HIBADH: variants seen among roughly 807,000 people sequenced by gnomAD.
HIBADH encodes the protein 3-hydroxyisobutyrate dehydrogenase, mitochondrial.
In HIBADH, 25 loss-of-function variants were observed where a neutral mutation model predicts 36.1. The observed-to-expected ratio is 0.69, with a 90% CI of 0.50 to 0.97. HIBADH has a LOEUF of 0.97. Ranked by LOEUF, HIBADH falls within the 50% of genes least tolerant of loss-of-function variation. HIBADH has a pLI of 0.00. For synonymous variants in HIBADH, 160 were observed against 149.5 expected (o/e 1.07, Z -0.51); for missense variants, 421 against 418.0 (o/e 1.01, Z -0.06).
chr7:27,527,918 G>GTT (rs746260280), intron 7 of HIBADH, among the ~76,000 whole-genome samples: 27 of 61,684 alleles, frequency 4.4e-4, no homozygotes, highest in Non-Finnish European at 5.4e-4. Flanking sequence ...CACACCCAGC[G>GTT]TTTTTTTTTT....
chr7:27,660,155 A>G (rs1428499043), intron 1 of HIBADH, among the ~76,000 whole-genome samples: 1 of 152,258 alleles, frequency 6.6e-6, no homozygotes, highest in Non-Finnish European at 1.5e-5. Flanking sequence ...TTATAATATT[A>G]TCATTCATAT....
In HIBADH at chr7:27,651,679, G is replaced by A. The variant is rs571500676; in HGVS notation, c.92-2046C>T. On this transcript the variant is annotated intron_variant, in intron 1 of 7. Coordinates refer to ENST00000265395, the MANE Select transcript of HIBADH (RefSeq NM_152740.4). Reference sequence around the variant, plus strand: ...TCAAACAATTCATAAGTATGGTCACGTAGAACCACAATTCATTCACAAATT... The same window carrying A: ...TCAAACAATTCATAAGTATGGTCACATAGAACCACAATTCATTCACAAATT... Among the ~76,000 whole-genome samples, 6 of 152,266 alleles carry A rather than the reference G, an allele frequency of 3.9e-5. No individual in the cohort carries two copies. In the East Asian group the frequency reaches 7.7e-4, roughly 20 times the overall value.
intron 4 of HIBADH, among the ~76,000 whole-genome samples, chr7:27,584,287 C>T (rs1482434149): frequency 6.6e-6 from 1 of 152,148 alleles, no homozygotes; most frequent in East Asian, 1.9e-4. Flanking sequence ...TAACATCATA[C>T]AACGGTCAAT....
At chr7:27,636,447 A>G (rs867680820) in intron 2 of HIBADH, among the ~76,000 whole-genome samples, 1 of 152,270 alleles carries the variant, frequency 6.6e-6, no homozygotes, top group African/African-American at 2.4e-5. Context: ...CTTTGTGCCT[A>G]CATCTTGAAA....
At chr7:27,526,423 T>A in intron 7 of HIBADH, 51 bp from the exon 8 acceptor site, 1 of 1,492,268 alleles carries the variant, frequency 6.7e-7, no homozygotes, top group Non-Finnish European at 9.0e-7. Context: ...TAAAGGCTCT[T>A]TGGAACTGTG....
chr7:27,531,206 T>C lies in HIBADH; in HGVS notation c.838A>G (p.Thr280Ala), dbSNP rs1233713537. The change falls in exon 7 of 8, where the codon ACA becomes GCA. Residue 280 changes from threonine to alanine, a missense_variant. Physicochemically the swap from Thr to Ala is moderately conservative, Grantham distance 58 (BLOSUM62 0). Coordinates refer to ENST00000265395, the MANE Select transcript of HIBADH (RefSeq NM_152740.4). ...ANNYQGGFGT[T>A]LMAKDLGLAQ... is the part of the protein sequence containing the mutation. ...ATTTACCATACCTTAGCCATGAGTG[T>C]TGTTCCAAATCCACCCTGATAGTTA... is the stretch of plus-strand genomic sequence containing the variant. 8 of 1,613,744 alleles carry C rather than the reference T, an allele frequency of 5.0e-6. No homozygotes were observed. The highest frequency in any genetic ancestry group is 2.2e-5 in the South Asian group (2 of 90,978).
At chr7:27,592,662 G>C (rs1339172784) in intron 4 of HIBADH, among the ~76,000 whole-genome samples, 1 of 151,880 alleles carries the variant, frequency 6.6e-6, no homozygotes, top group Admixed American at 6.6e-5. Context: ...TATATCTCTA[G>C]CTCAAGCTAC....
chr7:27,654,490 G>A (rs904182760), intron 1 of HIBADH, among the ~76,000 whole-genome samples: 1 of 151,936 alleles, frequency 6.6e-6, no homozygotes, highest in Non-Finnish European at 1.5e-5. Context: ...ATGTAGAAAG[G>A]GAAAAAGATA....
intron 4 of HIBADH, among the ~76,000 whole-genome samples, chr7:27,600,743 G>A (rs1785116539): frequency 6.6e-6 from 1 of 152,022 alleles, no homozygotes; most frequent in Non-Finnish European, 1.5e-5. Flanking sequence ...CTGGAAACTG[G>A]TAGATGGCTC....
chr7:27,553,384 T>A (rs1286266095), intron 4 of HIBADH, among the ~76,000 whole-genome samples: 1 of 152,238 alleles, frequency 6.6e-6, no homozygotes, highest in African/African-American at 2.4e-5. Context: ...TTTGCAGACC[T>A]GGTTCATTAT....
At chr7:27,552,594 GAC>G (rs1784333549) in intron 4 of HIBADH, among the ~76,000 whole-genome samples, 2 of 152,114 alleles carry the variant, frequency 1.3e-5, no homozygotes, top group South Asian at 4.1e-4. Flanking sequence ...ACATAACGCA[GAC>G]AGTCTTTTCT....
intron 4 of HIBADH, among the ~76,000 whole-genome samples, chr7:27,549,926 T>C (rs530501461): frequency 1.3e-5 from 2 of 150,934 alleles, no homozygotes; most frequent in East Asian, 1.9e-4. Context: ...CTTTTCTTTT[T>C]GAGATGGAGT....
chr7:27,662,313 A>G (rs1320030258), intron 1 of HIBADH, among the ~76,000 whole-genome samples: 1 of 152,080 alleles, frequency 6.6e-6, no homozygotes, highest in Non-Finnish European at 1.5e-5. Flanking sequence ...CTGAAAGACC[A>G]GGGGTCGCTG....
intron 7 of HIBADH, among the ~76,000 whole-genome samples, chr7:27,527,239 A>G (rs1783917291): frequency 6.6e-6 from 1 of 152,172 alleles, no homozygotes; most frequent in Non-Finnish European, 1.5e-5. Flanking sequence ...ATGGACTTTA[A>G]TCTCCAAGTA....
intron 1 of HIBADH, among the ~76,000 whole-genome samples, chr7:27,650,460 TTTTATTTATTTATTTA>T (rs148153152): frequency 0.07 from 9,809 of 140,168 alleles, 470 homozygotes; most frequent in African/African-American, 0.14. Flanking sequence ...CTTATTATAT[TTTTATTTATTTATTTA>T]TTTATTTATT....
intron 4 of HIBADH, among the ~76,000 whole-genome samples, chr7:27,616,682 G>C (rs1360892588): frequency 6.6e-6 from 1 of 152,034 alleles, no homozygotes; most frequent in African/African-American, 2.4e-5. Context: ...GGCTGGTCTT[G>C]AACTTCCGGG....
intron 1 of HIBADH, among the ~76,000 whole-genome samples, chr7:27,656,071 A>G (rs573940002): frequency 6.6e-6 from 1 of 152,304 alleles, no homozygotes; most frequent in East Asian, 1.9e-4. Flanking sequence ...ACTTTGTCTT[A>G]AAGAGTCAGG....
rs537990728 is a variant in HIBADH at position 27,569,659 on chromosome 7, A to G, written c.485-26559T>C. Among the ~76,000 whole-genome samples the G allele has an allele frequency of 2.0e-5, 3 of 152,050 alleles. No individual in the cohort carries two copies. The East Asian group carries it at 5.8e-4, about 29-fold the overall frequency. On this transcript the variant is annotated intron_variant, in intron 4 of 7. Transcript: ENST00000265395. The stretch of plus-strand genomic sequence containing the variant: ...GAAGGGCCCCACTCTCTGACACTCT[A>G]CTACCCCACCTCCATCCCCCACTGC...
intron 2 of HIBADH, among the ~76,000 whole-genome samples, chr7:27,638,690 T>C (rs1785901859): frequency 7.0e-6 from 1 of 142,424 alleles, no homozygotes; most frequent in African/African-American, 3.1e-5. Context: ...GTTTGCAAAC[T>C]ATGCATCCCA....
Sources: allele counts gnomAD v4.1 joint callset (sites outside exome capture counted in the v4.1 genomes callset), GRCh38; gene constraint gnomAD v4.1.1; transcripts MANE v1.5; gene names NCBI Gene and HGNC (gene_info 2026-07-23, HGNC 2026-07-21).